Variants in CSMD1 observed in about 807,000 individuals in gnomAD.
CSMD1 encodes the protein CUB and sushi domain-containing protein 1.
A neutral mutation model predicts 417.5 loss-of-function variants in CSMD1; 213 were observed. That is an observed-to-expected ratio of 0.51 (90% CI 0.46 to 0.57). The LOEUF (loss-of-function observed/expected upper bound fraction) is 0.57, where lower values mean the gene tolerates loss of function less well. Among genes scored for constraint, CSMD1 ranks in the 20% least tolerant of loss-of-function variants. The pLI is 0.00. For missense variants in CSMD1, 6,923 were observed against 4,529.7 expected (o/e 1.53, Z -15.17); for synonymous variants, 2,862 against 1,736.8 (o/e 1.65, Z -16.11).
chr8:3,301,417 G>T (rs1253231689), intron 25 of CSMD1, among the ~76,000 whole-genome samples: 2 of 152,032 alleles, frequency 1.3e-5, no homozygotes, highest in African/African-American at 4.8e-5. Context: ...CTTGACATGT[G>T]GATATGATAT....
At chr8:4,445,074 A>T (rs1191489326) in intron 2 of CSMD1, among the ~76,000 whole-genome samples, 1 of 152,188 alleles carries the variant, frequency 6.6e-6, no homozygotes, top group Admixed American at 6.5e-5. Flanking sequence ...ACAAAACTAC[A>T]TGTTTAACAT....
intron 33 of CSMD1, among the ~76,000 whole-genome samples, chr8:3,191,028 A>G (rs1398018924): frequency 6.6e-6 from 1 of 152,212 alleles, no homozygotes. Context: ...TAAAATGAGT[A>G]TGCCCTGGAG....
chr8:4,646,392 A>G (rs1803516286), intron 1 of CSMD1, among the ~76,000 whole-genome samples: 1 of 152,188 alleles, frequency 6.6e-6, no homozygotes. Context: ...ATACGGGTGA[A>G]GCCAGAAGCT....
At chr8:3,754,927 G>C (rs749989845) in intron 5 of CSMD1, among the ~76,000 whole-genome samples, 2 of 151,748 alleles carry the variant, frequency 1.3e-5, no homozygotes, top group Non-Finnish European at 2.9e-5. Context: ...CTGCAAAAGA[G>C]ATTTGAAATG....
At position 3,000,149 on chromosome 8, in the gene CSMD1, A is replaced by G. The variant is rs905929456; in HGVS notation, c.8030-18T>C. 5.3e-6 allele frequency: 8 copies of G among 1,507,836 alleles called. No homozygotes were observed. Among genetic ancestry groups the G allele is most frequent in the Non-Finnish European group, 7.2e-6 (8 of 1,117,870 alleles). The allele number at this position is 1,507,836 out of a possible 1,614,324, so 93.4% of individuals were successfully genotyped here. ...GTGGCCAGCTAAAAATGTTAAACCA[A>G]TTTTAAAATTTAGAGTGTCTGTCAT... On this transcript the variant is annotated intron_variant, in intron 52 of 69. Coordinates refer to ENST00000635120, the MANE Select transcript of CSMD1 (RefSeq NM_033225.6).
At chr8:4,293,465 T>C (rs1797487818) in intron 3 of CSMD1, among the ~76,000 whole-genome samples, 1 of 152,238 alleles carries the variant, frequency 6.6e-6, no homozygotes, top group East Asian at 1.9e-4. Context: ...ATGTGAAAAT[T>C]ATTATTTATA....
At chr8:4,822,656 G>C (rs1398782780) in intron 1 of CSMD1, among the ~76,000 whole-genome samples, 1 of 151,940 alleles carries the variant, frequency 6.6e-6, no homozygotes, top group African/African-American at 2.4e-5. Flanking sequence ...GAGATACTTT[G>C]TTCACAGTAT....
intron 5 of CSMD1, among the ~76,000 whole-genome samples, chr8:3,788,467 G>C (rs970455854): frequency 3.9e-5 from 6 of 152,164 alleles, no homozygotes; most frequent in East Asian, 1.9e-4. Context: ...AATCAAAATA[G>C]AACTGGGGAA....
chr8:3,907,656 A>C (rs1167351780), intron 5 of CSMD1, among the ~76,000 whole-genome samples: 1 of 152,160 alleles, frequency 6.6e-6, no homozygotes, highest in Non-Finnish European at 1.5e-5. Flanking sequence ...TTCACTTTGT[A>C]TTAGGAAGAT....
chr8:3,407,045 G>A (rs1253517506), intron 14 of CSMD1, among the ~76,000 whole-genome samples: 2 of 152,090 alleles, frequency 1.3e-5, no homozygotes, highest in Non-Finnish European at 1.5e-5. Context: ...AAGAAAGGAA[G>A]AATGGCTGGC....
At chr8:3,665,903 A>G (rs1370378317) in intron 7 of CSMD1, among the ~76,000 whole-genome samples, 1 of 152,020 alleles carries the variant, frequency 6.6e-6, no homozygotes, top group Non-Finnish European at 1.5e-5. Flanking sequence ...TTTGAGATGG[A>G]GTCGCACTCT....
At chr8:4,196,530 G>C (rs943182116) in intron 3 of CSMD1, among the ~76,000 whole-genome samples, 1 of 152,060 alleles carries the variant, frequency 6.6e-6, no homozygotes, top group Non-Finnish European at 1.5e-5. Flanking sequence ...CCATTTCCTT[G>C]CTGGCTGTAA....
intron 5 of CSMD1, among the ~76,000 whole-genome samples, chr8:3,992,642 C>T (rs1814847261): frequency 6.6e-6 from 1 of 152,044 alleles, no homozygotes; most frequent in African/African-American, 2.4e-5. Flanking sequence ...TAAAAATTAG[C>T]CAGGGTTCTG....
At chr8:4,508,013 A>G (rs1802618122) in intron 2 of CSMD1, among the ~76,000 whole-genome samples, 1 of 151,758 alleles carries the variant, frequency 6.6e-6, no homozygotes, top group Non-Finnish European at 1.5e-5. Flanking sequence ...AACGTTTCTC[A>G]GTCACAAGAG....
intron 2 of CSMD1, among the ~76,000 whole-genome samples, chr8:4,509,886 G>A (rs1018896594): frequency 6.6e-4 from 100 of 152,218 alleles, no homozygotes; most frequent in African/African-American, 1.5e-3. Flanking sequence ...AGCTCCTGTC[G>A]CCCTGACAGG....
intron 3 of CSMD1, among the ~76,000 whole-genome samples, chr8:4,146,404 C>G (rs1302687432): frequency 6.7e-6 from 1 of 150,262 alleles, no homozygotes; most frequent in East Asian, 1.9e-4. Context: ...GATAATGTGG[C>G]ACAGCAGACT....
chr8:4,001,410 C>G (rs1272040442), intron 4 of CSMD1, among the ~76,000 whole-genome samples: 1 of 152,094 alleles, frequency 6.6e-6, no homozygotes, highest in Admixed American at 6.5e-5. Context: ...CAGAAGGTGT[C>G]TAGGGAGTTT....
rs991574817 is a variant in CSMD1 at position 4,574,538 on chromosome 8, T to C, written c.302+62804A>G. On this transcript the variant is annotated intron_variant, in intron 2 of 69. Transcript: ENST00000635120. ...CACCCGCCTTCTGTGATGGTCTCAC[T>C]GGGAGCTGCAGACGGGAGCTGTTCC... 5.9e-5 allele frequency among the ~76,000 whole-genome samples: 9 copies of C among 152,324 alleles called. 2 individuals are homozygous for C. Among genetic ancestry groups the C allele is most frequent in the Admixed American group, 5.9e-4 (9 of 15,306 alleles).
At chr8:4,882,977 G>T (rs868159579) in intron 1 of CSMD1, among the ~76,000 whole-genome samples, 21 of 151,960 alleles carry the variant, frequency 1.4e-4, no homozygotes, top group African/African-American at 4.6e-4. Context: ...CCTAAAAACT[G>T]CCAAGACAGA....
Sources: allele counts gnomAD v4.1 joint callset (sites outside exome capture counted in the v4.1 genomes callset), GRCh38; gene constraint gnomAD v4.1.1; transcripts MANE v1.5; gene names NCBI Gene and HGNC (gene_info 2026-07-23, HGNC 2026-07-21).